RIMKLA: variants seen among roughly 807,000 people sequenced by gnomAD.
The protein encoded by RIMKLA is ribosomal modification protein rimK like family member A, also known as N-acetylaspartylglutamate synthase A.
Under a neutral mutation model 32.7 loss-of-function variants are expected in RIMKLA, and 14 were observed. The observed-to-expected ratio is 0.43, with a 90% CI of 0.28 to 0.67. The LOEUF (loss-of-function observed/expected upper bound fraction) is 0.67. RIMKLA is among the 30% of genes least tolerant of loss of function. The pLI is 0.18. For missense variants in RIMKLA, 410 were observed against 519.0 expected, an observed-to-expected ratio of 0.79 and a Z score of 2.04; for synonymous variants, 176 against 204.1, an observed-to-expected ratio of 0.86 and a Z score of 1.18.
intron 1 of RIMKLA, among the ~76,000 whole-genome samples, chr1:42,396,043 T>C (rs1314622245): frequency 1.3e-5 from 2 of 151,956 alleles, no homozygotes; most frequent in African/African-American, 4.8e-5. Flanking sequence ...GAGACCAGCC[T>C]GGCCAACATG....
intron 4 of RIMKLA, among the ~76,000 whole-genome samples, 169 bp downstream of exon 4, chr1:42,410,356 C>G (rs557500692): frequency 1.3e-5 from 2 of 152,064 alleles, no homozygotes; most frequent in Non-Finnish European, 2.9e-5. Flanking sequence ...GGGGAGCGTA[C>G]AAGTGTAAGC....
At chr1:42,410,508 A>G (rs1418658195) in intron 4 of RIMKLA, among the ~76,000 whole-genome samples, 1 of 152,228 alleles carries the variant, frequency 6.6e-6, no homozygotes, top group African/African-American at 2.4e-5. Flanking sequence ...GAATGATGGC[A>G]TAAGATGGGA....
At chr1:42,384,991 A>G (rs762748724) in intron 1 of RIMKLA, among the ~76,000 whole-genome samples, 18 of 152,116 alleles carry the variant, frequency 1.2e-4, no homozygotes, top group Non-Finnish European at 2.6e-4. Flanking sequence ...CTCTGTCCTC[A>G]AGTAGTCCCT....
At chr1:42,409,439 A>G (rs903847484) in intron 3 of RIMKLA, among the ~76,000 whole-genome samples, 5 of 152,214 alleles carry the variant, frequency 3.3e-5, no homozygotes, top group African/African-American at 9.6e-5. Context: ...AGAATTATGC[A>G]TAGACCTCTG....
chr1:42,385,849 T>C (rs56403617), intron 1 of RIMKLA, among the ~76,000 whole-genome samples: 3,815 of 20,322 alleles, frequency 0.19, 751 homozygotes, highest in Middle Eastern at 0.35. Context: ...TCTTTCTCTT[T>C]CTTTCTTTCT....
rs192008012 is a variant in RIMKLA at position 42,392,832 on chromosome 1, A to G, written c.164-6572A>G. ...TATGGTGAAAACCCGTCTCTACAAA[A>G]AATACAAAAATTAGCCAGGCATGGT... On this transcript the variant is annotated intron_variant, in intron 1 of 4. Transcript: ENST00000431473. Among the ~76,000 whole-genome samples the G allele has an allele frequency of 5.3e-3, 803 of 152,252 alleles. 11 individuals are homozygous for G. The highest frequency in any genetic ancestry group is 6.7e-3 in the Non-Finnish European group (458 of 68,010).
rs1352621229 is a variant in RIMKLA at position 42,404,598 on chromosome 1, G to T, written c.481+1G>T. On this transcript the variant is annotated splice_donor_variant, in intron 3 of 4. Coordinates refer to ENST00000431473, the MANE Select transcript of RIMKLA (RefSeq NM_173642.4). LOFTEE classifies it high-confidence loss of function. ...GTGAAGAGCACACGAGGCCACCGGG[G>T]TCAGTGCCACCTCTCCAGGGCTTCC... 1.5e-5 allele frequency: 24 copies of T among 1,602,078 alleles called. No individual in the cohort carries two copies. The highest frequency in any genetic ancestry group is 1.9e-5 in the Non-Finnish European group (22 of 1,170,650).
rs1482956838 is a variant in RIMKLA at position 42,422,337 on chromosome 1, A to G, written c.*7363A>G. 3 of 152,244 alleles carry G rather than the reference A, an allele frequency of 2.0e-5. No homozygotes were observed. 9.4% of individuals were successfully genotyped at this position (152,244 alleles called of 1,614,324 possible). A position where few individuals can be genotyped will look rare whatever the true frequency, so the allele number is the denominator to read the frequency against. On this transcript the variant is annotated 3_prime_UTR_variant, in exon 5 of 5. Transcript: ENST00000431473. ...CTTATTGGAGTGATTTGTAAAGTTCACTGTCACCTGTGGGCAGTAGTTCAG... is the reference window on the plus strand; with the variant it reads ...CTTATTGGAGTGATTTGTAAAGTTCGCTGTCACCTGTGGGCAGTAGTTCAG...
chr1:42,399,369 C>T, intron 1 of RIMKLA, 35 bp from the exon 2 acceptor site: 1 of 1,430,000 alleles, frequency 7.0e-7, no homozygotes, highest in Non-Finnish European at 9.7e-7. Context: ...TAAACGATAG[C>T]AGGCACAGCA....
Position 42,414,722 on chromosome 1 carries a change from T to A in RIMKLA, c.924T>A (p.Thr308=). 6.2e-7 allele frequency: 1 copy of A among 1,614,140 alleles called. No individual in the cohort carries two copies. The highest frequency in any genetic ancestry group is 8.5e-7 in the Non-Finnish European group (1 of 1,180,026). ...TGTCCTTGCTGCCAAATAGGCAGAC[T>A]GGAAAGATGGCTGTCCTCCCAGGAC... ...YTMSLLPNRQ[T]GKMAVLPGLS... is the part of the protein sequence containing the mutation. The change falls in exon 5 of 5, where the codon ACT becomes ACA. Residue 308 remains threonine, a synonymous_variant. Coordinates refer to ENST00000431473, the MANE Select transcript of RIMKLA (RefSeq NM_173642.4).
intron 1 of RIMKLA, among the ~76,000 whole-genome samples, chr1:42,384,553 G>GTATATATACATATATA (rs1557749265): frequency 1.1e-4 from 16 of 146,942 alleles, no homozygotes; most frequent in African/African-American, 3.7e-4. Context: ...ATATATATGT[G>GTATATATACATATATA]TGTATATATA....
chr1:42,414,446 T>A (rs774006372), intron 4 of RIMKLA, 38 bp from the exon 5 acceptor site: 8 of 1,600,608 alleles, frequency 5.0e-6, no homozygotes, highest in Non-Finnish European at 2.6e-6. Context: ...ATCTGACTTC[T>A]CAGTTGTCAC....
At chr1:42,384,884 A>G (rs1007803538) in intron 1 of RIMKLA, among the ~76,000 whole-genome samples, 1 of 152,072 alleles carries the variant, frequency 6.6e-6, no homozygotes, top group African/African-American at 2.4e-5. Flanking sequence ...CCTCTGCCTC[A>G]GATGCCCACT....
chr1:42,393,240 C>G (rs1340679196), intron 1 of RIMKLA, among the ~76,000 whole-genome samples: 1 of 152,110 alleles, frequency 6.6e-6, no homozygotes, highest in Non-Finnish European at 1.5e-5. Flanking sequence ...TCTACAGAAA[C>G]CAAACTAACA....
chr1:42,414,593 C>A lies in RIMKLA; in HGVS notation c.795C>A (p.Asp265Glu), dbSNP rs185643836. 1.2e-6 allele frequency: 2 copies of A among 1,614,232 alleles called. No homozygotes were observed. The highest frequency in any genetic ancestry group is 1.7e-6 in the Non-Finnish European group (2 of 1,180,038). Residue 265 changes from aspartate (D) to glutamate (E), a missense_variant, in exon 5 of 5, where the codon GAC (aspartate) becomes GAA (glutamate). Transcript: ENST00000431473. ...DFCGIDLLIM[D>E]DGSFVVCEAN... ...GTGGCATTGATCTCCTTATCATGGA[C>A]GATGGCTCCTTTGTGGTGTGTGAGG...
chr1:42,387,871 A>G (rs1027200478), intron 1 of RIMKLA, among the ~76,000 whole-genome samples: 2 of 125,114 alleles, frequency 1.6e-5, no homozygotes, highest in African/African-American at 2.7e-5. Context: ...AGAGCTAAGC[A>G]AGAAAAAAAG....
At chr1:42,396,546 T>C (rs1180379880) in intron 1 of RIMKLA, 1 of 152,218 alleles carries the variant, frequency 6.6e-6, no homozygotes, top group African/African-American at 2.4e-5. Context: ...GAGGCTGAGT[T>C]GTCTCTGTCC....
rs1643232637 is a variant in RIMKLA at position 42,414,900 on chromosome 1, G to T, written c.1102G>T (p.Ala368Ser). ...GGATTCCTCAGCAAGCACAATGGGG[G>T]CCCCACCCTCCATGCTGCCCGAACC... ...IRDSSASTMG[A>S]PPSMLPEPGY... Residue 368 changes from alanine to serine, a missense_variant, in exon 5 of 5, where the codon GCC becomes TCC. Physicochemically the swap from Ala to Ser is moderately conservative, Grantham distance 99. Transcript: ENST00000431473. 6.2e-7 allele frequency: 1 copy of T among 1,614,124 alleles called. No individual in the cohort carries two copies. The highest frequency in any genetic ancestry group is 8.5e-7 in the Non-Finnish European group (1 of 1,180,022).
intron 1 of RIMKLA, among the ~76,000 whole-genome samples, chr1:42,383,652 A>G (rs534388300): frequency 6.6e-6 from 1 of 152,340 alleles, no homozygotes; most frequent in South Asian, 2.1e-4. Context: ...GATATTATTT[A>G]CCATTTGAGA....
Sources: allele counts gnomAD v4.1 joint callset (sites outside exome capture counted in the v4.1 genomes callset), GRCh38; gene constraint gnomAD v4.1.1; transcripts MANE v1.5; gene names NCBI Gene and HGNC (gene_info 2026-07-23, HGNC 2026-07-21).